ERC2: variants seen among roughly 807,000 people sequenced by gnomAD.
The protein encoded by ERC2 is ELKS/RAB6-interacting/CAST family member 2, also known as ERC protein 2.
In ERC2, 42 loss-of-function variants were observed where a neutral mutation model predicts 114.8. The ratio of observed to expected loss-of-function variants is 0.37; its 90% CI spans 0.29 to 0.47. The LOEUF (loss-of-function observed/expected upper bound fraction) is 0.47. ERC2 is among the 20% of genes least tolerant of loss of function. The pLI is 0.99. For missense variants in ERC2, 939 were observed against 1,150.7 expected (o/e 0.82, Z 2.66); for synonymous variants, 454 against 425.5 (o/e 1.07, Z -0.82).
chr3:55,793,350 G>T (rs1010724726), intron 14 of ERC2, among the ~76,000 whole-genome samples: 1 of 152,164 alleles, frequency 6.6e-6, no homozygotes, highest in Non-Finnish European at 1.5e-5. Context: ...ATGTGTTGAG[G>T]TTGATGGTTA....
chr3:56,455,962 A>AC lies in ERC2; in HGVS notation c.-141+12285dup, dbSNP rs537360518. Among the ~76,000 whole-genome samples the AC allele has an allele frequency of 6.3e-4, 96 of 151,760 alleles. 1 individual carries two copies. Among genetic ancestry groups the AC allele is most frequent in the Admixed American group, 6.1e-3 (93 of 15,194 alleles). Reference sequence around the variant, plus strand: ...GATAAGCTCCCCAGATAGCAAGAAGACCCCCCCAGGACAGACAGATAACCA... The same window carrying AC: ...GATAAGCTCCCCAGATAGCAAGAAGACCCCCCCCAGGACAGACAGATAACCA... On this transcript the variant is annotated intron_variant, in intron 1 of 17. Transcript: ENST00000288221.
At chr3:56,023,661 T>A (rs551375370) in intron 7 of ERC2, among the ~76,000 whole-genome samples, 1 of 152,176 alleles carries the variant, frequency 6.6e-6, no homozygotes, top group African/African-American at 2.4e-5. Context: ...AACTTGGCCA[T>A]GAGCACAATG....
chr3:56,050,779 A>C (rs2149683915), intron 7 of ERC2, among the ~76,000 whole-genome samples: 1 of 152,302 alleles, frequency 6.6e-6, no homozygotes, highest in South Asian at 2.1e-4. Flanking sequence ...TTTTCCATTA[A>C]GCCAAAGCTC....
chr3:55,860,248 A>G (rs896910706), intron 14 of ERC2, among the ~76,000 whole-genome samples: 1 of 152,144 alleles, frequency 6.6e-6, no homozygotes, highest in Non-Finnish European at 1.5e-5. Context: ...TCTGTCAAAA[A>G]TCCTATAGTA....
chr3:56,229,331 T>C (rs535057669), intron 3 of ERC2, among the ~76,000 whole-genome samples: 2 of 152,308 alleles, frequency 1.3e-5, no homozygotes, highest in South Asian at 4.1e-4. Flanking sequence ...ACATAGAAGG[T>C]GCTTCTACCA....
chr3:55,566,426 T>TTTATTTAA (rs2056381054), intron 17 of ERC2, among the ~76,000 whole-genome samples: 1 of 151,778 alleles, frequency 6.6e-6, no homozygotes, highest in African/African-American at 2.4e-5. Context: ...TATTTATTTA[T>TTTATTTAA]TTATTTATTT....
chr3:56,073,361 T>C (rs1350001215), intron 7 of ERC2, among the ~76,000 whole-genome samples: 2 of 152,156 alleles, frequency 1.3e-5, no homozygotes, highest in Non-Finnish European at 2.9e-5. Flanking sequence ...TATTAGGACA[T>C]TTAGCAGCAC....
At chr3:55,536,596 C>T (rs1276018307) in intron 17 of ERC2, among the ~76,000 whole-genome samples, 2 of 152,214 alleles carry the variant, frequency 1.3e-5, no homozygotes, top group African/African-American at 2.4e-5. Context: ...GAGTTGAAGT[C>T]ATAAATTGAG....
At chr3:55,537,290 G>C (rs768101102) in intron 17 of ERC2, among the ~76,000 whole-genome samples, 1 of 152,220 alleles carries the variant, frequency 6.6e-6, no homozygotes. Flanking sequence ...TAGAAACCAG[G>C]ATAGGTTTGG....
chr3:55,612,820 A>G (rs1212935342), intron 17 of ERC2: 2 of 152,250 alleles, frequency 1.3e-5, no homozygotes, highest in Non-Finnish European at 2.9e-5. Flanking sequence ...TGTATCTACT[A>G]TCTCCAAAAG....
At chr3:55,517,058 T>C (rs572240233) in intron 17 of ERC2, among the ~76,000 whole-genome samples, 1 of 152,328 alleles carries the variant, frequency 6.6e-6, no homozygotes, top group Non-Finnish European at 1.5e-5. Context: ...GGCAAGCATT[T>C]CCTAAACCTG....
At chr3:55,710,206 AG>A in intron 15 of ERC2, among the ~76,000 whole-genome samples, 1 of 152,216 alleles carries the variant, frequency 6.6e-6, no homozygotes, top group East Asian at 1.9e-4. Context: ...TCAGGATAGA[AG>A]GTCTCTGTGG....
intron 17 of ERC2, among the ~76,000 whole-genome samples, chr3:55,627,380 C>T (rs187686941): frequency 1.3e-3 from 194 of 152,046 alleles, no homozygotes; most frequent in African/African-American, 4.5e-3. Context: ...GCAGGAGAAT[C>T]GCTTGAACCC....
chr3:55,514,553 G>A (rs559774490), intron 17 of ERC2, among the ~76,000 whole-genome samples: 1 of 152,232 alleles, frequency 6.6e-6, no homozygotes, highest in African/African-American at 2.4e-5. Context: ...GAGAAAGTTA[G>A]GGAAATCTGA....
At chr3:56,382,459 TC>T (rs35948363) in intron 2 of ERC2, among the ~76,000 whole-genome samples, 1 of 152,028 alleles carries the variant, frequency 6.6e-6, no homozygotes, top group Admixed American at 6.6e-5. Context: ...AATCAAACTT[TC>T]CCCCCACCAT....
chr3:56,282,376 C>G (rs1250198869), intron 3 of ERC2, among the ~76,000 whole-genome samples: 1 of 151,882 alleles, frequency 6.6e-6, no homozygotes, highest in Admixed American at 6.6e-5. Flanking sequence ...ATAATAGAAA[C>G]CAGATGAGAA....
rs182559034 is a variant in ERC2, at chr3:56,027,133, T to C, written c.1642-8102A>G. 5.1e-3 allele frequency among the ~76,000 whole-genome samples: 784 copies of C among 152,354 alleles called. 5 individuals are homozygous for C. Among genetic ancestry groups the C allele is most frequent in the Middle Eastern group, 6.8e-3 (2 of 294 alleles). On this transcript the variant is annotated intron_variant, in intron 7 of 17. Coordinates refer to ENST00000288221, the MANE Select transcript of ERC2 (RefSeq NM_015576.3). The stretch of plus-strand genomic sequence containing the variant: ...CTCTGAAGATCCATCAAAGTTGTTA[T>C]AGTTATCAACAACTTCTTCCTTTTT...
At chr3:56,080,487 T>A (rs111876147) in intron 7 of ERC2, among the ~76,000 whole-genome samples, 6 of 152,306 alleles carry the variant, frequency 3.9e-5, no homozygotes, top group African/African-American at 1.4e-4. Context: ...CACAAATACA[T>A]TGCTAACTCT....
At chr3:55,918,097 A>G (rs1003648061) in intron 13 of ERC2, among the ~76,000 whole-genome samples, 5 of 152,152 alleles carry the variant, frequency 3.3e-5, no homozygotes, top group African/African-American at 1.2e-4. Context: ...TATCATATAG[A>G]GATAAGACAA....
Sources: allele counts gnomAD v4.1 joint callset (sites outside exome capture counted in the v4.1 genomes callset), GRCh38; gene constraint gnomAD v4.1.1; transcripts MANE v1.5; gene names NCBI Gene and HGNC (gene_info 2026-07-23, HGNC 2026-07-21).